The following TCF12 variants were observed in gnomAD, a reference collection of about 807,000 sequenced individuals.
The protein encoded by TCF12 is transcription factor 12, also known as DNA-binding protein HTF4.
A neutral mutation model predicts 86.0 loss-of-function variants in TCF12; 45 were observed. The ratio of observed to expected loss-of-function variants is 0.52; its 90% CI spans 0.41 to 0.67. TCF12 has a LOEUF of 0.67. Among genes scored for constraint, TCF12 ranks in the 30% least tolerant of loss-of-function variants. The pLI, the probability that TCF12 is intolerant of heterozygous loss-of-function variation, is 0.00. For missense variants in TCF12, 881 were observed against 859.9 expected (o/e 1.02, Z -0.31); for synonymous variants, 330 against 299.6 (o/e 1.10, Z -1.05).
Position 57,286,535 on chromosome 15 carries a change from G to A in TCF12, c.*390G>A, listed in dbSNP as rs144403761. 9.3e-6 allele frequency: 4 copies of A among 430,852 alleles called. No individual in the cohort carries two copies. The highest frequency in any genetic ancestry group is 1.8e-5 in the Non-Finnish European group (4 of 217,012). 26.7% of individuals were successfully genotyped at this position (430,852 alleles called of 1,614,324 possible). Reference sequence around the variant, plus strand: ...TTATTTATTGTTATGAAACTGTAAGGTCTACATATAAAGGGAAAAAGTTAA... The same window carrying A: ...TTATTTATTGTTATGAAACTGTAAGATCTACATATAAAGGGAAAAAGTTAA... On this transcript the variant is annotated 3_prime_UTR_variant, in exon 21 of 21. Transcript: ENST00000333725.
intron 5 of TCF12, among the ~76,000 whole-genome samples, chr15:57,143,103 T>C (rs1169817930): frequency 6.6e-6 from 1 of 150,544 alleles, no homozygotes; most frequent in East Asian, 2.0e-4. Context: ...TGCCTACCTT[T>C]ACCAAAATAC....
intron 4 of TCF12, among the ~76,000 whole-genome samples, chr15:57,076,247 C>G (rs2070025649): frequency 6.6e-6 from 1 of 151,916 alleles, no homozygotes; most frequent in Non-Finnish European, 1.5e-5. Context: ...AAGCAGTGTA[C>G]GAATACAGAG....
upstream of TCF12, chr15:56,918,291 G>A: frequency 2.2e-6 from 1 of 455,818 alleles, no homozygotes; most frequent in Non-Finnish European, 4.4e-6. Flanking sequence ...TGCTTCCACA[G>A]CTGTGTCTCC....
At chr15:56,943,726 A>G (rs1226427750) in intron 3 of TCF12, among the ~76,000 whole-genome samples, 1 of 152,316 alleles carries the variant, frequency 6.6e-6, no homozygotes, top group East Asian at 1.9e-4. Flanking sequence ...CTGTTACCAA[A>G]TATCTCACTT....
intron 8 of TCF12, among the ~76,000 whole-genome samples, chr15:57,202,264 T>A (rs1483431001): frequency 6.6e-6 from 1 of 152,216 alleles, no homozygotes; most frequent in Non-Finnish European, 1.5e-5. Context: ...CTTGGTTTAT[T>A]CAGAAAATAT....
intron 5 of TCF12, among the ~76,000 whole-genome samples, chr15:57,108,405 G>A (rs2050272302): frequency 6.6e-6 from 1 of 152,216 alleles, no homozygotes; most frequent in South Asian, 2.1e-4. Flanking sequence ...TTTACTGGGT[G>A]AGAAGTGGGG....
intron 3 of TCF12, among the ~76,000 whole-genome samples, chr15:57,060,647 G>T (rs897778982): frequency 2.0e-5 from 3 of 152,196 alleles, no homozygotes; most frequent in Non-Finnish European, 4.4e-5. Context: ...AAATGGGAAT[G>T]ATGAAAATAA....
intron 11 of TCF12, among the ~76,000 whole-genome samples, chr15:57,233,104 ATGTATATATGTTTG>A (rs2059229233): frequency 6.7e-6 from 1 of 149,480 alleles, no homozygotes; most frequent in African/African-American, 2.5e-5. Context: ...ATAGGTATAT[ATGTATATATGTTTG>A]TGTATATATG....
chr15:57,163,827 C>G (rs180861871), intron 5 of TCF12, among the ~76,000 whole-genome samples: 309 of 152,310 alleles, frequency 2.0e-3, no homozygotes, highest in Non-Finnish European at 2.9e-3. Flanking sequence ...GATCAGAAAT[C>G]TTCTTGGAAC....
intron 3 of TCF12, among the ~76,000 whole-genome samples, chr15:57,012,438 T>C (rs2064887469): frequency 6.6e-6 from 1 of 152,242 alleles, no homozygotes; most frequent in Non-Finnish European, 1.5e-5. Flanking sequence ...CCTATTAAGA[T>C]ATATAAGTAG....
In TCF12 at chr15:56,981,595, A is replaced by G. The variant is rs183259455; in HGVS notation, c.148+60497A>G. Among the ~76,000 whole-genome samples, 580 of 152,280 alleles carry G rather than the reference A, an allele frequency of 3.8e-3. 3 individuals are homozygous for G. The highest frequency in any genetic ancestry group is 9.5e-3 in the South Asian group (46 of 4,828). On this transcript the variant is annotated intron_variant, in intron 3 of 20. Transcript: ENST00000333725. Reference sequence around the variant, plus strand: ...ACTCAAACCATAACACTTATATACAATTGGTCTTTGAACAACATGGGGGTT... The same window carrying G: ...ACTCAAACCATAACACTTATATACAGTTGGTCTTTGAACAACATGGGGGTT...
At chr15:57,170,788 TA>T (rs1567560079) in intron 6 of TCF12, among the ~76,000 whole-genome samples, 769 of 42,888 alleles carry the variant, frequency 0.018, 34 homozygotes, top group Non-Finnish European at 0.023. Flanking sequence ...AATATATATA[TA>T]TAATATATAT....
intron 6 of TCF12, among the ~76,000 whole-genome samples, chr15:57,179,138 G>A (rs567469334): frequency 7.9e-5 from 12 of 152,094 alleles, no homozygotes; most frequent in East Asian, 3.8e-4. Context: ...AGATTGTCAC[G>A]TTTTAGCACT....
Position 57,052,636 on chromosome 15 carries a change from C to CA in TCF12, c.149-11098dup, listed in dbSNP as rs10573760. Among the ~76,000 whole-genome samples the CA allele has an allele frequency of 3.4e-3, 413 of 122,336 alleles. 2 individuals are homozygous for CA. Among genetic ancestry groups the CA allele is most frequent in the African/African-American group, 4.3e-3 (140 of 32,480 alleles). 80.3% of individuals were successfully genotyped at this position (122,336 alleles called of 152,430 possible). ...TGGGTGACAGAGCGAGACTCCATCT[C>CA]AAAAAAAAAAAAAAAACCAAAATAA... On this transcript the variant is annotated intron_variant, in intron 3 of 20. Transcript: ENST00000333725.
intron 4 of TCF12, among the ~76,000 whole-genome samples, chr15:57,091,330 G>T (rs1281209505): frequency 1.3e-5 from 2 of 152,010 alleles, no homozygotes; most frequent in African/African-American, 4.8e-5. Context: ...TTAGGGTCTG[G>T]GGGCAGGGAG....
chr15:57,157,364 AAAC>A (rs1429769567), intron 5 of TCF12, among the ~76,000 whole-genome samples: 1 of 148,084 alleles, frequency 6.8e-6, no homozygotes, highest in East Asian at 2.0e-4. Context: ...TCTAAATTCT[AAAC>A]AACATGTGGT....
intron 5 of TCF12, among the ~76,000 whole-genome samples, chr15:57,106,563 T>A (rs1257720915): frequency 2.6e-5 from 4 of 152,214 alleles, no homozygotes; most frequent in African/African-American, 9.6e-5. Flanking sequence ...GCATACGCTT[T>A]TGTATTTTGT....
chr15:56,941,696 T>A (rs1346996363), intron 3 of TCF12, among the ~76,000 whole-genome samples: 1 of 151,664 alleles, frequency 6.6e-6, no homozygotes, highest in African/African-American at 2.4e-5. Context: ...TTTTTTTTTT[T>A]TTTATTAGGA....
At chr15:56,968,955 C>G (rs769254623) in intron 3 of TCF12, among the ~76,000 whole-genome samples, 2 of 152,086 alleles carry the variant, frequency 1.3e-5, no homozygotes, top group Non-Finnish European at 2.9e-5. Context: ...TCTTTTGAGT[C>G]CTTGGTTAGC....
Sources: gnomAD v4.1 joint callset for allele counts (sites outside exome capture counted in the v4.1 genomes callset) on GRCh38, gnomAD v4.1.1 for gene constraint, MANE v1.5 for transcripts, NCBI Gene and HGNC (gene_info 2026-07-23, HGNC 2026-07-21) for gene names.